The following ZNF850 variants were observed in gnomAD, a reference collection of about 807,000 sequenced individuals.
The protein encoded by ZNF850 is putative zinc finger protein ENSP00000330994.
ZNF850 carries 2 observed loss-of-function variants against 11.9 expected under a neutral mutation model. That is an observed-to-expected ratio of 0.17 (90% CI 0.07 to 0.53). ZNF850 has a LOEUF of 0.53. Among genes scored for constraint, ZNF850 ranks in the 20% least tolerant of loss-of-function variants. The probability of loss-of-function intolerance (pLI) is 0.94; values close to 1 mark genes in which losing one functional copy is unlikely to be tolerated. For missense variants in ZNF850, 1,014 were observed against 1,316.4 expected (o/e 0.77, Z 3.55); for synonymous variants, 381 against 443.0 (o/e 0.86, Z 1.76).
chr19:36,761,715 C>G lies in ZNF850; in HGVS notation c.163G>C (p.Val55Leu), dbSNP rs201983798. Residue 55 changes from valine to leucine, a missense_variant, in exon 4 of 5, where the codon GTG becomes CTG. By Grantham distance (32) the Val-to-Leu change is conservative (BLOSUM62 1). Around this residue, in one of 2 missense-constraint regions of ZNF850, gnomAD observed 835 missense variants for 1,022.0 expected, o/e 0.82. Transcript: ENST00000591344. ...TTCCCTTGCTCCAGTAAGGAAATCA[C>G]ATCAGGCTTTGGGATAGAGAGACCT... Reference protein sequence around the residue: ...SLGLSIPKPDVISLLEQGKEP... With the variant: ...SLGLSIPKPDLISLLEQGKEP... 6.4e-7 allele frequency: 1 copy of G among 1,556,502 alleles called. No homozygotes were observed.
At chr19:36,764,562 A>AT (rs2040538329) in intron 1 of ZNF850, among the ~76,000 whole-genome samples, 1 of 152,296 alleles carries the variant, frequency 6.6e-6, no homozygotes. Flanking sequence ...CATAGAAGGC[A>AT]TTTTCCAAAG....
intron 4 of ZNF850, among the ~76,000 whole-genome samples, chr19:36,756,599 A>T (rs1008808496): frequency 1.3e-5 from 2 of 152,094 alleles, no homozygotes; most frequent in African/African-American, 4.8e-5. Flanking sequence ...CATTATGTGG[A>T]TATACCATAA....
At chr19:36,751,391 A>G (rs1181144747) in intron 4 of ZNF850, among the ~76,000 whole-genome samples, 1 of 152,106 alleles carries the variant, frequency 6.6e-6, no homozygotes, top group Non-Finnish European at 1.5e-5. Flanking sequence ...TAGAATAGGA[A>G]AAAAGGACAT....
At chr19:36,760,312 T>C (rs2040510202) in intron 4 of ZNF850, among the ~76,000 whole-genome samples, 1 of 152,004 alleles carries the variant, frequency 6.6e-6, no homozygotes, top group South Asian at 2.1e-4. Context: ...CCAGGTGTGG[T>C]GGCGCGTGCC....
chr19:36,758,853 C>A (rs2040501944), intron 4 of ZNF850, among the ~76,000 whole-genome samples: 1 of 151,636 alleles, frequency 6.6e-6, no homozygotes, highest in Non-Finnish European at 1.5e-5. Flanking sequence ...CCAAGGCAGG[C>A]AGATCACGAG....
chr19:36,768,466 T>C (rs1443943201), intron 1 of ZNF850, among the ~76,000 whole-genome samples: 1 of 152,216 alleles, frequency 6.6e-6, no homozygotes, highest in Non-Finnish European at 1.5e-5. Context: ...AAAATGCAAT[T>C]GCTCTCTTTC....
At chr19:36,762,517 G>A (rs1600614164) in intron 2 of ZNF850, 78 bp downstream of exon 2, 8 of 1,535,640 alleles carry the variant, frequency 5.2e-6, no homozygotes, top group Non-Finnish European at 7.0e-6. Context: ...GCTGAAGGAT[G>A]GAGAGAATAC....
chr19:36,749,202 C>A lies in ZNF850; in HGVS notation c.1838G>T (p.Gly613Val), dbSNP rs745891970. Residue 613 changes from glycine to valine, a missense_variant, in exon 5 of 5, where the codon GGT becomes GTT. By Grantham distance (109) the Gly-to-Val change is moderately radical. Transcript: ENST00000591344. The part of the protein sequence containing the change: ...TLLQHQQIHT[G>V]EKPYDCKECG... ...TTCCTTACAATCATAAGGTTTCTCACCAGTGTGAATTTGCTGATGTTGAAG... is the reference window on the plus strand; with the variant it reads ...TTCCTTACAATCATAAGGTTTCTCAACAGTGTGAATTTGCTGATGTTGAAG... The A allele has an allele frequency of 1.2e-6, 2 of 1,603,532 alleles. No individual in the cohort carries two copies. The highest frequency in any genetic ancestry group is 2.2e-5 in the South Asian group (2 of 90,140).
Position 36,750,434 on chromosome 19 carries a change from A to G in ZNF850, c.606T>C (p.Cys202=), listed in dbSNP as rs1315708908. The change falls in exon 5 of 5, where the codon TGT becomes TGC. Residue 202 remains cysteine, a synonymous_variant. Coordinates refer to ENST00000591344, the MANE Select transcript of ZNF850 (RefSeq NM_001193552.2). ...AGGAAAAGTGATGAAAGGCCTTCCC[A>G]CACTCCTTACATTTATAGAGTTTTT... is the stretch of plus-strand genomic sequence containing the variant. ...TGEKLYKCKE[C]GKAFHHFSYL... The G allele has an allele frequency of 3.3e-6, 5 of 1,536,618 alleles. No homozygotes were observed. In the South Asian group the frequency reaches 4.8e-5, roughly 15 times the overall value.
intron 1 of ZNF850, among the ~76,000 whole-genome samples, chr19:36,767,413 C>T (rs774431426): frequency 2.6e-5 from 4 of 151,770 alleles, no homozygotes; most frequent in South Asian, 2.1e-4. Flanking sequence ...AAAAATTAGC[C>T]GGGTTTGGTG....
Position 36,748,292 on chromosome 19 carries a change from T to C in ZNF850, c.2748A>G (p.Gln916=), listed in dbSNP as rs2040425973. 2 of 1,569,970 alleles carry C rather than the reference T, an allele frequency of 1.3e-6. No individual in the cohort carries two copies. The highest frequency in any genetic ancestry group is 8.6e-7 in the Non-Finnish European group (1 of 1,161,466). The part of the protein sequence containing the change: ...FRRRSKLTQH[Q]RIHTGEKPYR... The stretch of plus-strand genomic sequence containing the variant: ...AAGGTTTCTCACCAGTATGGATTCG[T>C]TGATGTTGAGTAAGTTTTGAACGAC... Residue 916 remains glutamine (Q), a synonymous_variant, in exon 5 of 5, where the codon CAA becomes CAG. Transcript: ENST00000591344.
chr19:36,754,322 G>C (rs1171700662), intron 4 of ZNF850, among the ~76,000 whole-genome samples: 1 of 151,890 alleles, frequency 6.6e-6, no homozygotes, highest in African/African-American at 2.4e-5. Flanking sequence ...TGAAAATCAG[G>C]CAAGTATTCA....
intron 1 of ZNF850, among the ~76,000 whole-genome samples, chr19:36,769,276 A>AG (rs1555812484): frequency 1.9e-4 from 21 of 113,178 alleles, no homozygotes; most frequent in Admixed American, 5.5e-4. Flanking sequence ...AAAAAAAAAA[A>AG]AAAGAAAGAA....
At chr19:36,770,703 C>CAAAAAAAAAAAAAAAAAAAAAAA (rs567709722) in intron 1 of ZNF850, among the ~76,000 whole-genome samples, 3 of 66,604 alleles carry the variant, frequency 4.5e-5, no homozygotes, top group Non-Finnish European at 6.3e-5. Flanking sequence ...GAGACTCCAT[C>CAAAAAAAAAAAAAAAAAAAAAAA]AAAAAAAAAA....
intron 1 of ZNF850, among the ~76,000 whole-genome samples, chr19:36,769,909 C>T (rs1371812200): frequency 6.6e-6 from 1 of 152,224 alleles, no homozygotes; most frequent in Non-Finnish European, 1.5e-5. Context: ...CAAAACTGGT[C>T]CCCTTTCAGA....
intron 4 of ZNF850, among the ~76,000 whole-genome samples, chr19:36,753,422 C>CAAAAA (rs58851544): frequency 0.28 from 13,025 of 46,360 alleles, 4,110 homozygotes; most frequent in Non-Finnish European, 0.36. Flanking sequence ...GACACTGTCT[C>CAAAAA]AAAAAAAAAA....
chr19:36,767,007 T>A (rs1177428340), intron 1 of ZNF850, among the ~76,000 whole-genome samples: 1 of 149,502 alleles, frequency 6.7e-6, no homozygotes, highest in South Asian at 2.1e-4. Flanking sequence ...GAGGCCAAGG[T>A]GGGTGGATCA....
At chr19:36,752,836 C>A (rs2040461349) in intron 4 of ZNF850, among the ~76,000 whole-genome samples, 1 of 152,130 alleles carries the variant, frequency 6.6e-6, no homozygotes, top group African/African-American at 2.4e-5. Flanking sequence ...TCAAAGAATT[C>A]ATTTGTCTTC....
chr19:36,763,663 C>T (rs1279749110), intron 1 of ZNF850, among the ~76,000 whole-genome samples: 1 of 151,252 alleles, frequency 6.6e-6, no homozygotes, highest in East Asian at 2.0e-4. Flanking sequence ...GTGTGGTAAC[C>T]CACACCTGTA....
Sources: gnomAD v4.1 joint callset for allele counts (sites outside exome capture counted in the v4.1 genomes callset) on GRCh38, gnomAD v4.1.1 for gene constraint, gnomAD v4.1.1 regional missense constraint, MANE v1.5 for transcripts, NCBI Gene and HGNC (gene_info 2026-07-23, HGNC 2026-07-21) for gene names.